The following GPC6 variants were observed in gnomAD, a reference collection of about 807,000 sequenced individuals.
The protein encoded by GPC6 is glypican-6.
GPC6 carries 14 observed loss-of-function variants against 55.2 expected under a neutral mutation model. The observed-to-expected ratio is 0.25, with a 90% confidence interval of 0.17 to 0.40. The LOEUF is 0.40. Ranked by LOEUF, GPC6 falls within the 10% of genes least tolerant of loss-of-function variation. The pLI, the probability that GPC6 is intolerant of heterozygous loss-of-function variation, is 1.00. For missense variants in GPC6, 641 were observed against 708.5 expected, an observed-to-expected ratio of 0.90 and a Z score of 1.08; for synonymous variants, 278 against 259.6, an observed-to-expected ratio of 1.07 and a Z score of -0.68.
intron 3 of GPC6, among the ~76,000 whole-genome samples, chr13:93,947,224 C>T (rs769808911): frequency 6.6e-6 from 1 of 152,146 alleles, no homozygotes; most frequent in Non-Finnish European, 1.5e-5. Flanking sequence ...ATGTGTGAGT[C>T]TTCAATGTGT....
At chr13:94,159,863 T>G (rs751023012) in intron 4 of GPC6, among the ~76,000 whole-genome samples, 20 of 152,202 alleles carry the variant, frequency 1.3e-4, no homozygotes, top group Non-Finnish European at 2.5e-4. Flanking sequence ...ATGTCACCAT[T>G]CTCTAAGACT....
intron 2 of GPC6, among the ~76,000 whole-genome samples, chr13:93,618,485 T>C (rs1878818285): frequency 1.3e-5 from 2 of 152,122 alleles, no homozygotes; most frequent in South Asian, 4.1e-4. Flanking sequence ...CAAAAGTGCT[T>C]TGATAAAATG....
At chr13:94,235,310 C>T (rs532943593) in intron 4 of GPC6, among the ~76,000 whole-genome samples, 4 of 152,136 alleles carry the variant, frequency 2.6e-5, no homozygotes, top group South Asian at 4.2e-4. Flanking sequence ...TCTCTGGGAG[C>T]GTCTCTCACA....
chr13:94,390,799 A>C (rs149315485), intron 7 of GPC6, among the ~76,000 whole-genome samples: 6 of 152,246 alleles, frequency 3.9e-5, no homozygotes, highest in Admixed American at 3.3e-4. Flanking sequence ...TCCCTTCTTC[A>C]GACACACTTG....
intron 4 of GPC6, among the ~76,000 whole-genome samples, chr13:94,147,149 T>C (rs906330748): frequency 6.6e-6 from 1 of 152,144 alleles, no homozygotes; most frequent in Non-Finnish European, 1.5e-5. Flanking sequence ...ATTGAAGTGA[T>C]TATAAAGATC....
chr13:93,554,654 A>G (rs772160568), intron 2 of GPC6, among the ~76,000 whole-genome samples: 6 of 152,234 alleles, frequency 3.9e-5, no homozygotes, highest in Admixed American at 6.5e-5. Flanking sequence ...CTGAATGACC[A>G]ACATTGACAT....
intron 2 of GPC6, among the ~76,000 whole-genome samples, chr13:93,779,112 A>T (rs1885557274): frequency 6.6e-6 from 1 of 152,118 alleles, no homozygotes; most frequent in Admixed American, 6.6e-5. Context: ...TCTGTCACAC[A>T]CTGCTTTTCT....
intron 1 of GPC6, among the ~76,000 whole-genome samples, chr13:93,332,810 T>A (rs1879900323): frequency 6.6e-6 from 1 of 152,168 alleles, no homozygotes; most frequent in African/African-American, 2.4e-5. Context: ...TGTTTGTTTG[T>A]TTCGGTAGCT....
At chr13:93,632,617 G>GTATATATATATA (rs201000882) in intron 2 of GPC6, among the ~76,000 whole-genome samples, 3 of 51,776 alleles carry the variant, frequency 5.8e-5, no homozygotes, top group African/African-American at 1.2e-4. Flanking sequence ...GTATATATAT[G>GTATATATATATA]TATATATATA....
chr13:94,060,657 G>A (rs1266767531), intron 4 of GPC6, among the ~76,000 whole-genome samples: 1 of 152,074 alleles, frequency 6.6e-6, no homozygotes, highest in Non-Finnish European at 1.5e-5. Flanking sequence ...AACAAGAAAG[G>A]TGCAAAAATA....
intron 4 of GPC6, among the ~76,000 whole-genome samples, chr13:94,055,273 G>A (rs987603329): frequency 5.3e-5 from 8 of 152,152 alleles, no homozygotes; most frequent in African/African-American, 1.9e-4. Flanking sequence ...TTAAATGTAT[G>A]TTACAATTCT....
chr13:93,974,470 T>A (rs1337836), intron 3 of GPC6, among the ~76,000 whole-genome samples: 71,622 of 151,994 alleles, frequency 0.47, 17,565 homozygotes, highest in Non-Finnish European at 0.53. Flanking sequence ...GTATCTATAG[T>A]TACACATTCT....
At chr13:94,237,023 A>G (rs1185614269) in intron 4 of GPC6, among the ~76,000 whole-genome samples, 1 of 152,102 alleles carries the variant, frequency 6.6e-6, no homozygotes, top group African/African-American at 2.4e-5. Context: ...GTCAAGTCAT[A>G]TTGCTCCAAG....
chr13:93,808,637 A>G (rs555365415), intron 2 of GPC6, among the ~76,000 whole-genome samples: 18 of 152,364 alleles, frequency 1.2e-4, no homozygotes, highest in Admixed American at 1.2e-3. Context: ...GTTAATATGA[A>G]CTGTATGTAA....
chr13:93,303,999 G>C (rs1185913106), intron 1 of GPC6, among the ~76,000 whole-genome samples: 1 of 151,294 alleles, frequency 6.6e-6, no homozygotes, highest in Admixed American at 6.6e-5. Context: ...CTCCCGAGCA[G>C]CTGGGATTAC....
intron 4 of GPC6, among the ~76,000 whole-genome samples, chr13:94,109,618 A>G (rs955398528): frequency 1.3e-5 from 2 of 152,274 alleles, no homozygotes; most frequent in Admixed American, 1.3e-4. Flanking sequence ...TTCTGGAAAC[A>G]GGGTCTGCTA....
rs200723254 is a variant in GPC6 at position 93,424,629 on chromosome 13, T to A, written c.161-120634T>A. Among the ~76,000 whole-genome samples, 36 of 127,188 alleles carry A rather than the reference T, an allele frequency of 2.8e-4. No homozygotes were observed. In the South Asian group the frequency reaches 8.6e-3, roughly 30 times the overall value. The allele number at this position is 127,188 out of a possible 152,430, so 83.4% of individuals were successfully genotyped here. A position where few individuals can be genotyped will look rare whatever the true frequency, so the allele number is the denominator to read the frequency against. ...TGGTATCATCATCATCATCATCATC[T>A]TCATCATCATCATTTTTAAGTTTAA... On this transcript the variant is annotated intron_variant, in intron 1 of 8. Transcript: ENST00000377047.
At chr13:94,119,036 A>G (rs1286677245) in intron 4 of GPC6, among the ~76,000 whole-genome samples, 2 of 151,772 alleles carry the variant, frequency 1.3e-5, no homozygotes, top group Non-Finnish European at 2.9e-5. Context: ...ACACTTGCAT[A>G]TATGTATGTG....
chr13:93,373,868 CAGT>C (rs1322014000), intron 1 of GPC6, among the ~76,000 whole-genome samples: 4 of 152,010 alleles, frequency 2.6e-5, no homozygotes, highest in African/African-American at 9.7e-5. Context: ...TAATATAACT[CAGT>C]AACAAGGAAA....
Sources: gnomAD v4.1 joint callset for allele counts (sites outside exome capture counted in the v4.1 genomes callset) on GRCh38, gnomAD v4.1.1 for gene constraint, MANE v1.5 for transcripts, NCBI Gene and HGNC (gene_info 2026-07-23, HGNC 2026-07-21) for gene names.